The following L3MBTL4 variants were observed in gnomAD, a reference collection of about 807,000 sequenced individuals.
L3MBTL4 encodes L3MBTL histone methyl-lysine binding protein 4.
L3MBTL4 carries 70 observed loss-of-function variants against 84.5 expected under a neutral mutation model. That is an observed-to-expected ratio of 0.83 (90% confidence interval 0.68 to 1.01). The LOEUF is 1.01. Ranked by LOEUF, L3MBTL4 falls within the 50% of genes least tolerant of loss-of-function variation. The pLI is 0.00. For synonymous variants in L3MBTL4, 274 were observed against 259.8 expected (o/e 1.05, Z -0.52); for missense variants, 715 against 754.8 (o/e 0.95, Z 0.62).
intron 16 of L3MBTL4, among the ~76,000 whole-genome samples, chr18:6,035,192 C>T (rs1293857357): frequency 2.0e-5 from 3 of 150,574 alleles, no homozygotes; most frequent in Non-Finnish European, 4.5e-5. Flanking sequence ...GTTGCCATTG[C>T]TTTTGCTGTT....
intron 16 of L3MBTL4, among the ~76,000 whole-genome samples, chr18:6,072,925 T>TACACAC (rs56899160): frequency 2.5e-5 from 2 of 79,594 alleles, no homozygotes; most frequent in African/African-American, 1.4e-4. Flanking sequence ...TATATATATA[T>TACACAC]ACACACATAC....
chr18:6,193,016 G>C (rs117713188), intron 12 of L3MBTL4, among the ~76,000 whole-genome samples: 11 of 152,228 alleles, frequency 7.2e-5, no homozygotes, highest in African/African-American at 2.6e-4. Flanking sequence ...GCAGATTGAC[G>C]GAGTTGGGAT....
chr18:6,071,525 C>G (rs766653013), intron 16 of L3MBTL4, among the ~76,000 whole-genome samples: 5 of 151,188 alleles, frequency 3.3e-5, no homozygotes, highest in Non-Finnish European at 7.4e-5. Flanking sequence ...AATCCCAGCA[C>G]TTTGAGAGGC....
At chr18:6,410,864 T>C (rs2055937142) in intron 1 of L3MBTL4, among the ~76,000 whole-genome samples, 1 of 151,234 alleles carries the variant, frequency 6.6e-6, no homozygotes, top group East Asian at 2.0e-4. Flanking sequence ...AAGAGAATGT[T>C]TCCCATGTGA....
At chr18:6,160,386 C>T (rs2043277451) in intron 13 of L3MBTL4, among the ~76,000 whole-genome samples, 1 of 152,052 alleles carries the variant, frequency 6.6e-6, no homozygotes, top group Non-Finnish European at 1.5e-5. Flanking sequence ...GAGCCAAAAC[C>T]TTGTTTAATC....
At chr18:6,268,933 C>G (rs1012612496) in intron 4 of L3MBTL4, among the ~76,000 whole-genome samples, 9 of 152,082 alleles carry the variant, frequency 5.9e-5, no homozygotes, top group Non-Finnish European at 1.0e-4. Context: ...TTCTGAAAAG[C>G]TGAAGCTCAT....
intron 16 of L3MBTL4, among the ~76,000 whole-genome samples, chr18:6,009,176 G>T (rs961105508): frequency 6.6e-6 from 1 of 152,206 alleles, no homozygotes; most frequent in Admixed American, 6.5e-5. Flanking sequence ...CAGATGGGCA[G>T]GCAGGACAAG....
intron 16 of L3MBTL4, among the ~76,000 whole-genome samples, chr18:6,058,661 A>C (rs1430975889): frequency 6.6e-6 from 1 of 152,168 alleles, no homozygotes; most frequent in Non-Finnish European, 1.5e-5. Context: ...GAGACAAAGA[A>C]GACAAAGCCT....
intron 1 of L3MBTL4, among the ~76,000 whole-genome samples, chr18:6,408,648 C>G (rs1035141884): frequency 6.6e-6 from 1 of 151,966 alleles, no homozygotes; most frequent in African/African-American, 2.4e-5. Context: ...TCACAGTAGA[C>G]AAATACCTAT....
intron 5 of L3MBTL4, chr18:6,258,777 G>C (rs986800171): frequency 6.6e-6 from 1 of 152,448 alleles, no homozygotes; most frequent in African/African-American, 2.4e-5. Context: ...ACTGTCACAT[G>C]GGCAAAGAAA....
In L3MBTL4 at chr18:6,172,019, A is replaced by G. The variant is rs1337065768; in HGVS notation, c.982-77T>C. 7.6e-6 allele frequency: 5 copies of G among 655,264 alleles called. No homozygotes were observed. The Admixed American group carries it at 1.5e-4, about 20-fold the overall frequency. 40.6% of individuals were successfully genotyped at this position (655,264 alleles called of 1,614,324 possible). ...TTCCTGTATCAAAATATTTGAATAC[A>G]GATGTCTGAAGCTGAGATTGAAATT... On this transcript the variant is annotated intron_variant, in intron 12 of 18. Transcript: ENST00000317931.
intron 14 of L3MBTL4, among the ~76,000 whole-genome samples, chr18:6,136,414 G>A (rs1330598926): frequency 6.6e-6 from 1 of 152,122 alleles, no homozygotes; most frequent in African/African-American, 2.4e-5. Context: ...CCACACTAAA[G>A]TAACAAAAGG....
At chr18:5,982,317 C>T (rs548626856) in intron 16 of L3MBTL4, among the ~76,000 whole-genome samples, 3 of 152,270 alleles carry the variant, frequency 2.0e-5, no homozygotes, top group South Asian at 4.2e-4. Context: ...ACAATCTGGC[C>T]TCTTCATTGA....
chr18:6,208,422 A>G (rs1441356996), intron 12 of L3MBTL4, among the ~76,000 whole-genome samples: 2 of 152,206 alleles, frequency 1.3e-5, no homozygotes, highest in African/African-American at 2.4e-5. Flanking sequence ...ATGTCCAGTT[A>G]ATGCATTAAA....
At chr18:6,182,684 A>C (rs549429112) in intron 12 of L3MBTL4, among the ~76,000 whole-genome samples, 2 of 152,314 alleles carry the variant, frequency 1.3e-5, no homozygotes, top group South Asian at 4.1e-4. Context: ...TTTCACATTT[A>C]AGTTTTTAAT....
At chr18:6,269,373 C>T (rs1363766276) in intron 4 of L3MBTL4, among the ~76,000 whole-genome samples, 1 of 152,000 alleles carries the variant, frequency 6.6e-6, no homozygotes, top group Non-Finnish European at 1.5e-5. Flanking sequence ...AGGAGAATGG[C>T]GTGAACCCGG....
At chr18:6,084,839 C>G (rs1314800604) in intron 15 of L3MBTL4, among the ~76,000 whole-genome samples, 1 of 152,120 alleles carries the variant, frequency 6.6e-6, no homozygotes, top group African/African-American at 2.4e-5. Context: ...TTGAACTGGG[C>G]CTCAATACAA....
chr18:6,078,439 CAAA>C (rs769376748), intron 16 of L3MBTL4, among the ~76,000 whole-genome samples: 7 of 43,774 alleles, frequency 1.6e-4, no homozygotes, highest in Admixed American at 3.3e-4. Context: ...AAAAAAAAAA[CAAA>C]AAAAAAAAAA....
chr18:6,142,797 C>T (rs748524134), intron 13 of L3MBTL4, among the ~76,000 whole-genome samples: 7 of 151,930 alleles, frequency 4.6e-5, no homozygotes, highest in Non-Finnish European at 7.4e-5. Flanking sequence ...TGGCATGTAC[C>T]GATAGTCCTA....
Sources: gnomAD v4.1 joint callset for allele counts (sites outside exome capture counted in the v4.1 genomes callset) on GRCh38, gnomAD v4.1.1 for gene constraint, MANE v1.5 for transcripts, NCBI Gene and HGNC (gene_info 2026-07-23, HGNC 2026-07-21) for gene names.